The following SLC10A7 variants were observed in gnomAD, a reference collection of about 807,000 sequenced individuals.
SLC10A7 encodes the protein sodium/bile acid cotransporter 7.
Under a neutral mutation model 43.2 loss-of-function variants are expected in SLC10A7, and 29 were observed. The ratio of observed to expected loss-of-function variants is 0.67; its 90% CI spans 0.50 to 0.92. SLC10A7 has a LOEUF of 0.92. Ranked by LOEUF, SLC10A7 falls within the 40% of genes least tolerant of loss-of-function variation. The probability of loss-of-function intolerance (pLI) is 0.00; values close to 1 mark genes in which losing one functional copy is unlikely to be tolerated. For synonymous variants in SLC10A7, 152 were observed against 144.8 expected (o/e 1.05, Z -0.35); for missense variants, 295 against 403.2 (o/e 0.73, Z 2.30).
At chr4:146,394,090 A>G (rs1291027621) in intron 5 of SLC10A7, among the ~76,000 whole-genome samples, 2 of 152,224 alleles carry the variant, frequency 1.3e-5, no homozygotes, top group Non-Finnish European at 2.9e-5. Flanking sequence ...TTATTTCAGG[A>G]AATCTAATCA....
At chr4:146,514,344 A>G (rs1284005787) in intron 2 of SLC10A7, 1 of 152,206 alleles carries the variant, frequency 6.6e-6, no homozygotes, top group Non-Finnish European at 1.5e-5. Flanking sequence ...CACTTAATTG[A>G]TACTTGTTTA....
chr4:146,500,848 C>T (rs1163351157), intron 4 of SLC10A7, among the ~76,000 whole-genome samples: 2 of 152,172 alleles, frequency 1.3e-5, no homozygotes, highest in Admixed American at 1.3e-4. Context: ...CCACCAAAAC[C>T]ACTGTGGTCA....
intron 5 of SLC10A7, among the ~76,000 whole-genome samples, chr4:146,384,237 AC>A (rs1489278110): frequency 1.2e-4 from 19 of 152,260 alleles, no homozygotes; most frequent in African/African-American, 3.9e-4. Flanking sequence ...ATAAAATGAA[AC>A]TTGGTAACTC....
chr4:146,408,367 T>G (rs539699482), intron 5 of SLC10A7, among the ~76,000 whole-genome samples: 1 of 152,114 alleles, frequency 6.6e-6, no homozygotes, highest in South Asian at 2.1e-4. Context: ...GGGGGCAACA[T>G]GGTGAAACTC....
At chr4:146,259,587 T>C (rs1728096623) in intron 10 of SLC10A7, among the ~76,000 whole-genome samples, 1 of 152,134 alleles carries the variant, frequency 6.6e-6, no homozygotes, top group Non-Finnish European at 1.5e-5. Flanking sequence ...GGTGACAGAG[T>C]GAGACCCTGT....
intron 5 of SLC10A7, among the ~76,000 whole-genome samples, chr4:146,340,126 CA>C (rs1734159117): frequency 6.6e-6 from 1 of 151,612 alleles, no homozygotes; most frequent in Non-Finnish European, 1.5e-5. Flanking sequence ...TATTAAATAT[CA>C]GGGGGTAGGA....
Position 146,256,403 on chromosome 4 carries a change from G to T in SLC10A7, c.*88C>A. The T allele has an allele frequency of 7.9e-7, 1 of 1,265,820 alleles. No individual in the cohort carries two copies. The highest frequency in any genetic ancestry group is 1.1e-6 in the Non-Finnish European group (1 of 878,588). 78.4% of individuals were successfully genotyped at this position (1,265,820 alleles called of 1,614,324 possible). On this transcript the variant is annotated 3_prime_UTR_variant, in exon 12 of 12. Transcript: ENST00000335472. ...GTAAAAAAATAAAATATGCATTGAG[G>T]CAACATTCACAAGTACAAGTCTTCA...
At chr4:146,407,594 C>T (rs185761576) in intron 5 of SLC10A7, among the ~76,000 whole-genome samples, 2 of 152,298 alleles carry the variant, frequency 1.3e-5, no homozygotes, top group East Asian at 1.9e-4. Context: ...GTAACAAATA[C>T]GTATTTATTC....
intron 5 of SLC10A7, among the ~76,000 whole-genome samples, chr4:146,439,176 T>A (rs1730421058): frequency 1.3e-5 from 2 of 152,052 alleles, no homozygotes; most frequent in South Asian, 4.1e-4. Flanking sequence ...AATTCACCTA[T>A]CATTAGTTAT....
chr4:146,466,481 T>C (rs1226342800), intron 4 of SLC10A7, among the ~76,000 whole-genome samples: 4 of 152,176 alleles, frequency 2.6e-5, no homozygotes, highest in Non-Finnish European at 1.5e-5. Flanking sequence ...AATTTCATTT[T>C]TTCCCCCAAG....
At chr4:146,343,429 C>A (rs1734405557) in intron 5 of SLC10A7, among the ~76,000 whole-genome samples, 1 of 152,026 alleles carries the variant, frequency 6.6e-6, no homozygotes, top group Non-Finnish European at 1.5e-5. Context: ...CCAACATGTT[C>A]CTAACCATTT....
At chr4:146,356,797 G>A (rs1735680768) in intron 5 of SLC10A7, among the ~76,000 whole-genome samples, 1 of 152,036 alleles carries the variant, frequency 6.6e-6, no homozygotes, top group African/African-American at 2.4e-5. Context: ...CACAAAACAA[G>A]CCTTCAATAA....
intron 5 of SLC10A7, among the ~76,000 whole-genome samples, chr4:146,425,154 T>C (rs907444651): frequency 2.6e-5 from 4 of 152,166 alleles, no homozygotes; most frequent in East Asian, 1.9e-4. Flanking sequence ...GTGTATGTGA[T>C]TGCCTTTGAA....
intron 5 of SLC10A7, among the ~76,000 whole-genome samples, chr4:146,404,427 A>G (rs1332324051): frequency 6.6e-6 from 1 of 151,660 alleles, no homozygotes; most frequent in Non-Finnish European, 1.5e-5. Flanking sequence ...TTGCACTGAT[A>G]TGATTACTGG....
chr4:146,494,511 G>A (rs182492016), intron 4 of SLC10A7, among the ~76,000 whole-genome samples: 2 of 152,284 alleles, frequency 1.3e-5, no homozygotes, highest in Admixed American at 1.3e-4. Flanking sequence ...CTAACACTTT[G>A]TTTTAGATCA....
intron 4 of SLC10A7, among the ~76,000 whole-genome samples, chr4:146,449,947 T>A (rs1324670133): frequency 2.0e-5 from 3 of 151,940 alleles, no homozygotes; most frequent in African/African-American, 2.4e-5. Flanking sequence ...CAGAAAACCA[T>A]GAGATTGACA....
intron 5 of SLC10A7, among the ~76,000 whole-genome samples, chr4:146,352,815 AT>A (rs1176342754): frequency 7.0e-6 from 1 of 143,208 alleles, no homozygotes; most frequent in Non-Finnish European, 1.5e-5. Context: ...GAAGGCAGAA[AT>A]AAAGATGTTC....
intron 5 of SLC10A7, among the ~76,000 whole-genome samples, chr4:146,426,767 C>T (rs1729387984): frequency 6.6e-6 from 1 of 151,940 alleles, no homozygotes; most frequent in South Asian, 2.1e-4. Flanking sequence ...CCCAGCTACT[C>T]GGGAGGCTGA....
At chr4:146,521,489 G>A (rs865784484) in intron 1 of SLC10A7, 129 bp downstream of exon 1, 2 of 720,978 alleles carry the variant, frequency 2.8e-6, no homozygotes, top group Middle Eastern at 3.0e-4. Flanking sequence ...CAGCAAAAGG[G>A]CCAAAGGCTG....
Sources: allele counts gnomAD v4.1 joint callset (sites outside exome capture counted in the v4.1 genomes callset), GRCh38; gene constraint gnomAD v4.1.1; transcripts MANE v1.5; gene names NCBI Gene and HGNC (gene_info 2026-07-23, HGNC 2026-07-21).